Variants in PAK1 observed in about 807,000 individuals in gnomAD.
PAK1 encodes serine/threonine-protein kinase PAK 1.
Under a neutral mutation model 67.4 loss-of-function variants are expected in PAK1, and 29 were observed. That is an observed-to-expected ratio of 0.43 (90% CI 0.32 to 0.59). The LOEUF (loss-of-function observed/expected upper bound fraction) is 0.59, where lower values mean the gene tolerates loss of function less well. Among genes scored for constraint, PAK1 ranks in the 20% least tolerant of loss-of-function variants. PAK1 has a pLI of 0.07. For synonymous variants in PAK1, 223 were observed against 237.4 expected, an observed-to-expected ratio of 0.94 and a Z score of 0.56; for missense variants, 337 against 670.7, an observed-to-expected ratio of 0.50 and a Z score of 5.50.
intron 1 of PAK1, among the ~76,000 whole-genome samples, chr11:77,461,624 G>C (rs1325284765): frequency 6.6e-6 from 1 of 152,046 alleles, no homozygotes; most frequent in Non-Finnish European, 1.5e-5. Flanking sequence ...ACAAACTTAG[G>C]TCTACATTAT....
upstream of PAK1, among the ~76,000 whole-genome samples, chr11:77,477,889 C>T (rs750621733): frequency 6.6e-6 from 1 of 152,208 alleles, no homozygotes; most frequent in African/African-American, 2.4e-5. Flanking sequence ...TGCCACTGCA[C>T]TCCAGCCCAG....
At chr11:77,487,571 G>A in the PAK1 span, among the ~76,000 whole-genome samples, 3 of 152,056 alleles carry the variant, frequency 2.0e-5, no homozygotes, top group Non-Finnish European at 4.4e-5. Context: ...GGGCCCTAAA[G>A]GGAGAGTCCC....
At chr11:77,468,949 T>C (rs1957722941) in intron 1 of PAK1, among the ~76,000 whole-genome samples, 1 of 152,156 alleles carries the variant, frequency 6.6e-6, no homozygotes, top group Non-Finnish European at 1.5e-5. Flanking sequence ...ATAGGGCTGT[T>C]ACGAAGATTG....
chr11:77,415,006 A>G (rs1437483560), intron 1 of PAK1, among the ~76,000 whole-genome samples: 1 of 152,248 alleles, frequency 6.6e-6, no homozygotes, highest in East Asian at 1.9e-4. Context: ...ATCAAAATAT[A>G]CATAGAACTC....
the PAK1 span, among the ~76,000 whole-genome samples, chr11:77,482,915 C>T: frequency 6.6e-6 from 1 of 152,130 alleles, no homozygotes; most frequent in Non-Finnish European, 1.5e-5. Flanking sequence ...TTTTCCCTCA[C>T]TCTTGAATGA....
At chr11:77,528,102 T>C in the PAK1 span, among the ~76,000 whole-genome samples, 4 of 152,092 alleles carry the variant, frequency 2.6e-5, no homozygotes, top group South Asian at 6.2e-4. Context: ...CCTACAGTCA[T>C]GGGCCACCCC....
intron 1 of PAK1, among the ~76,000 whole-genome samples, chr11:77,444,540 C>T (rs1189776469): frequency 6.6e-6 from 1 of 152,066 alleles, no homozygotes; most frequent in Non-Finnish European, 1.5e-5. Context: ...AAACTCATCA[C>T]AATTACGAAG....
intron 1 of PAK1, among the ~76,000 whole-genome samples, chr11:77,445,171 G>A (rs564102835): frequency 2.0e-4 from 30 of 152,156 alleles, no homozygotes; most frequent in Non-Finnish European, 4.0e-4. Context: ...TTAGGTGAAA[G>A]GACAAAGGGA....
chr11:77,414,501 C>T (rs1392276956), intron 1 of PAK1, among the ~76,000 whole-genome samples: 1 of 152,164 alleles, frequency 6.6e-6, no homozygotes, highest in Non-Finnish European at 1.5e-5. Context: ...GGAAGACTGA[C>T]TTGCTATAAA....
intron 2 of PAK1, among the ~76,000 whole-genome samples, chr11:77,389,502 C>T (rs1950865834): frequency 6.6e-6 from 1 of 152,230 alleles, no homozygotes; most frequent in Non-Finnish European, 1.5e-5. Context: ...GTTGCAATTT[C>T]TCCACATCCT....
intron 1 of PAK1, among the ~76,000 whole-genome samples, chr11:77,445,699 T>A (rs144559149): frequency 9.2e-5 from 14 of 152,328 alleles, no homozygotes; most frequent in African/African-American, 3.4e-4. Flanking sequence ...AATCTACATT[T>A]CTCTTCATGA....
the PAK1 span, among the ~76,000 whole-genome samples, chr11:77,522,303 C>T: frequency 6.6e-6 from 1 of 152,192 alleles, no homozygotes; most frequent in East Asian, 1.9e-4. Context: ...TCTTTACTCA[C>T]CACAGGTTAG....
At chr11:77,341,722 A>G (rs2602470) in intron 10 of PAK1, among the ~76,000 whole-genome samples, 43,429 of 152,176 alleles carry the variant, frequency 0.29, 6,513 homozygotes, top group South Asian at 0.45. Flanking sequence ...CATTTCTTGC[A>G]TTGGCTTGAA....
At position 77,323,197 on chromosome 11, in the gene PAK1, A is replaced by C; in HGVS notation, c.*77T>G. On this transcript the variant is annotated 3_prime_UTR_variant, in exon 15 of 15. Coordinates refer to ENST00000356341, the MANE Select transcript of PAK1 (RefSeq NM_002576.5). ...AGAAGCAAGGCAAGGAGAAGAGGGC[A>C]TCAGGAGTTGGAATTTCTGAAATGT... The C allele has an allele frequency of 6.3e-7, 1 of 1,599,838 alleles. No individual in the cohort carries two copies. The highest frequency in any genetic ancestry group is 8.5e-7 in the Non-Finnish European group (1 of 1,172,712).
rs575260784 is a variant in PAK1 at position 77,342,422 on chromosome 11, C to T, written c.998+1397G>A. 2.6e-5 allele frequency among the ~76,000 whole-genome samples: 4 copies of T among 152,310 alleles called. No homozygotes were observed. In the South Asian group the frequency reaches 6.2e-4, roughly 24 times the overall value. On this transcript the variant is annotated intron_variant, in intron 10 of 14. Coordinates refer to ENST00000356341, the MANE Select transcript of PAK1 (RefSeq NM_002576.5). ...TCGTTTTATCATGTAGATGCATCCA[C>T]TGATGGGGAACTCACCATTTTGTGA...
the PAK1 span, among the ~76,000 whole-genome samples, chr11:77,512,314 T>C: frequency 6.6e-6 from 1 of 152,120 alleles, no homozygotes; most frequent in Non-Finnish European, 1.5e-5. Flanking sequence ...TCTTCTGTGG[T>C]CCATGGTGAG....
intron 1 of PAK1, among the ~76,000 whole-genome samples, chr11:77,397,652 A>G (rs1356414742): frequency 6.6e-6 from 1 of 152,238 alleles, no homozygotes; most frequent in African/African-American, 2.4e-5. Flanking sequence ...CAAAGTAGAC[A>G]GGGATTCAGA....
intron 1 of PAK1, among the ~76,000 whole-genome samples, chr11:77,429,895 T>A (rs1358534074): frequency 2.0e-5 from 3 of 152,192 alleles, no homozygotes; most frequent in Admixed American, 2.0e-4. Context: ...TAGGAAATAA[T>A]GTGGGGTTGA....
At chr11:77,463,357 A>C (rs1314471284) in intron 1 of PAK1, among the ~76,000 whole-genome samples, 1 of 152,172 alleles carries the variant, frequency 6.6e-6, no homozygotes, top group Admixed American at 6.5e-5. Context: ...TCCCCTGCCA[A>C]TGTTTTATTT....
Sources: gnomAD v4.1 joint callset for allele counts (sites outside exome capture counted in the v4.1 genomes callset) on GRCh38, gnomAD v4.1.1 for gene constraint, MANE v1.5 for transcripts, NCBI Gene and HGNC (gene_info 2026-07-23, HGNC 2026-07-21) for gene names.